Variants in TOGARAM1 observed in about 807,000 individuals in gnomAD.
The protein encoded by TOGARAM1 is TOG array regulator of axonemal microtubules protein 1.
A neutral mutation model predicts 166.6 loss-of-function variants in TOGARAM1; 100 were observed. The observed-to-expected ratio is 0.60, with a 90% CI of 0.51 to 0.71. The LOEUF is 0.71. Among genes scored for constraint, TOGARAM1 ranks in the 30% least tolerant of loss-of-function variants. TOGARAM1 has a pLI of 0.00. For synonymous variants in TOGARAM1, 758 were observed against 763.8 expected, an observed-to-expected ratio of 0.99 and a Z score of 0.13; for missense variants, 2,029 against 2,102.7, an observed-to-expected ratio of 0.96 and a Z score of 0.69.
At chr14:45,012,327 A>G (rs745942199) in intron 7 of TOGARAM1, among the ~76,000 whole-genome samples, 49 of 152,100 alleles carry the variant, frequency 3.2e-4, no homozygotes, top group African/African-American at 1.0e-3. Flanking sequence ...CTACACCTAG[A>G]TTTTTTATGT....
intron 11 of TOGARAM1, among the ~76,000 whole-genome samples, chr14:45,039,271 C>A (rs1035998366): frequency 6.6e-6 from 1 of 152,130 alleles, no homozygotes; most frequent in African/African-American, 2.4e-5. Context: ...TTTTTATGGG[C>A]TTCAGAGGGG....
intron 18 of TOGARAM1, among the ~76,000 whole-genome samples, chr14:45,069,964 C>T (rs868538765): frequency 2.2e-4 from 33 of 152,184 alleles, no homozygotes; most frequent in South Asian, 2.1e-4. Context: ...AGGCAGATCA[C>T]GAGGTCAGGA....
chr14:44,973,491 T>C (rs1279122326), intron 1 of TOGARAM1, among the ~76,000 whole-genome samples: 1 of 151,900 alleles, frequency 6.6e-6, no homozygotes, highest in East Asian at 1.9e-4. Context: ...TTGCTATTAT[T>C]ATTTTGAATG....
At chr14:44,984,874 T>C (rs1886710360) in intron 1 of TOGARAM1, among the ~76,000 whole-genome samples, 1 of 152,192 alleles carries the variant, frequency 6.6e-6, no homozygotes, top group Non-Finnish European at 1.5e-5. Flanking sequence ...ATCGATTACC[T>C]TGTATACATA....
intron 1 of TOGARAM1, among the ~76,000 whole-genome samples, chr14:44,984,612 A>G (rs1012226118): frequency 1.9e-4 from 29 of 151,686 alleles, no homozygotes; most frequent in Non-Finnish European, 8.8e-5. Flanking sequence ...TAAAAAAAAA[A>G]AAATGCAAAT....
chr14:44,970,456 A>G (rs1350825353), intron 1 of TOGARAM1, among the ~76,000 whole-genome samples: 1 of 152,094 alleles, frequency 6.6e-6, no homozygotes, highest in Non-Finnish European at 1.5e-5. Flanking sequence ...TAATTCTTTG[A>G]GACTTTCTAT....
At position 44,962,209 on chromosome 14, in the gene TOGARAM1, G is replaced by C. The variant is rs192273725; in HGVS notation, c.-213G>C. On this transcript the variant is annotated 5_prime_UTR_variant, in exon 1 of 20. Transcript: ENST00000361462. ...TTGGTCACGTGGTGCCCTTGGTTAC[G>C]CCCGGTGGCAGCTGTGGGGTCTAGG... is the stretch of plus-strand genomic sequence containing the variant. 20 of 510,814 alleles carry C rather than the reference G, an allele frequency of 3.9e-5. No individual in the cohort carries two copies. The Admixed American group carries it at 6.6e-4, about 17-fold the overall frequency. 31.6% of individuals were successfully genotyped at this position (510,814 alleles called of 1,614,324 possible).
intron 1 of TOGARAM1, among the ~76,000 whole-genome samples, chr14:44,986,291 CT>C (rs1433808083): frequency 6.6e-6 from 1 of 152,056 alleles, no homozygotes; most frequent in Non-Finnish European, 1.5e-5. Context: ...CTTATGTGAA[CT>C]TTTTTGTTGT....
chr14:45,041,685 C>T (rs894970959), intron 11 of TOGARAM1, among the ~76,000 whole-genome samples: 10 of 152,342 alleles, frequency 6.6e-5, no homozygotes, highest in South Asian at 4.1e-4. Flanking sequence ...ATATACTTCT[C>T]GCTCAGTGTT....
chr14:45,009,840 A>C (rs189554004), intron 6 of TOGARAM1, among the ~76,000 whole-genome samples: 3 of 152,332 alleles, frequency 2.0e-5, no homozygotes, highest in Non-Finnish European at 4.4e-5. Context: ...AGGATTTTGG[A>C]GAATCCCTTC....
intron 1 of TOGARAM1, among the ~76,000 whole-genome samples, chr14:44,967,250 CT>C (rs373940153): frequency 2.6e-5 from 4 of 152,068 alleles, no homozygotes; most frequent in African/African-American, 9.7e-5. Flanking sequence ...CTGCAGGGTT[CT>C]TTCTCATCTT....
intron 10 of TOGARAM1, among the ~76,000 whole-genome samples, chr14:45,029,282 C>T (rs545338236): frequency 1.2e-4 from 18 of 152,218 alleles, no homozygotes; most frequent in South Asian, 2.1e-4. Flanking sequence ...GAAAAACCCA[C>T]GAAACTTCCT....
Position 44,963,440 on chromosome 14 carries a change from C to G in TOGARAM1, c.1019C>G (p.Thr340Ser). Residue 340 changes from threonine to serine, a missense_variant, in exon 1 of 20, where the codon ACT becomes AGT. Around this residue, in one of 2 missense-constraint regions of TOGARAM1, gnomAD observed 1,453 missense variants for 1,432.2 expected, o/e 1.01. Coordinates refer to ENST00000361462, the MANE Select transcript of TOGARAM1 (RefSeq NM_001308120.2). ...GAAGATCCCCTTCCCTGTGCAGTGA[C>G]TCTTTCCAACAGCAATCTTAAATTT... ...FPEDPLPCAV[T>S]LSNSNLKFGI... 1 of 1,614,182 alleles carries G rather than the reference C, an allele frequency of 6.2e-7. No individual in the cohort carries two copies. Among genetic ancestry groups the G allele is most frequent in the Non-Finnish European group, 8.5e-7 (1 of 1,180,042 alleles).
intron 16 of TOGARAM1, among the ~76,000 whole-genome samples, chr14:45,055,728 C>T (rs1882596524): frequency 1.4e-5 from 2 of 145,530 alleles, no homozygotes; most frequent in Non-Finnish European, 3.0e-5. Context: ...TGCTTGAATC[C>T]AGGAGGCGGA....
At chr14:44,998,134 G>A (rs1208544880) in intron 2 of TOGARAM1, among the ~76,000 whole-genome samples, 1 of 152,134 alleles carries the variant, frequency 6.6e-6, no homozygotes, top group African/African-American at 2.4e-5. Flanking sequence ...AAATGAAGTG[G>A]CATAATGACT....
At chr14:45,009,648 A>T (rs560240941) in intron 6 of TOGARAM1, among the ~76,000 whole-genome samples, 1 of 152,156 alleles carries the variant, frequency 6.6e-6, no homozygotes, top group Non-Finnish European at 1.5e-5. Context: ...GAGTCTCCCT[A>T]CAGCAGTAGT....
Position 45,009,218 on chromosome 14 carries a change from G to C in TOGARAM1, c.3137+73G>C, listed in dbSNP as rs1478759064. The C allele has an allele frequency of 2.7e-6, 3 of 1,115,872 alleles. 1 individual carries two copies. In the South Asian group the frequency reaches 4.7e-5, roughly 18 times the overall value. The allele number at this position is 1,115,872 out of a possible 1,614,324, so 69.1% of individuals were successfully genotyped here. Reference sequence around the variant, plus strand: ...GATTTAGAGCCCTAATATCATATTTGTAAAAACTTAAAACCATTTATGTTT... The same window carrying C: ...GATTTAGAGCCCTAATATCATATTTCTAAAAACTTAAAACCATTTATGTTT... On this transcript the variant is annotated intron_variant, in intron 6 of 19. Coordinates refer to ENST00000361462, the MANE Select transcript of TOGARAM1 (RefSeq NM_001308120.2).
At chr14:45,006,921 C>T (rs1879475532) in intron 5 of TOGARAM1, 1 of 152,176 alleles carries the variant, frequency 6.6e-6, no homozygotes, top group South Asian at 2.1e-4. Context: ...TCCTAGATCA[C>T]TTTGTGCTAT....
intron 11 of TOGARAM1, among the ~76,000 whole-genome samples, chr14:45,036,130 T>TAAAAAA (rs770145117): frequency 6.9e-5 from 2 of 29,178 alleles, no homozygotes; most frequent in African/African-American, 1.7e-4. Flanking sequence ...ACCTTGTCTC[T>TAAAAAA]AAAAAAAAAA....
Sources: allele counts gnomAD v4.1 joint callset (sites outside exome capture counted in the v4.1 genomes callset), GRCh38; gene constraint gnomAD v4.1.1; regional missense constraint gnomAD v4.1.1; transcripts MANE v1.5; gene names NCBI Gene and HGNC (gene_info 2026-07-23, HGNC 2026-07-21).